The following SLC36A1 variants were observed in gnomAD, a reference collection of about 807,000 sequenced individuals.
SLC36A1 encodes proton-coupled amino acid transporter 1.
In SLC36A1, 30 loss-of-function variants were observed where a neutral mutation model predicts 47.5. The observed-to-expected ratio is 0.63, with a 90% confidence interval of 0.47 to 0.86. The LOEUF is 0.86. Among genes scored for constraint, SLC36A1 ranks in the 40% least tolerant of loss-of-function variants. The probability of loss-of-function intolerance (pLI) is 0.00; values close to 1 mark genes in which losing one functional copy is unlikely to be tolerated. For missense variants in SLC36A1, 517 were observed against 606.0 expected (o/e 0.85, Z 1.54); for synonymous variants, 255 against 249.7 (o/e 1.02, Z -0.20).
chr5:151,416,775 C>T, the SLC36A1 span, among the ~76,000 whole-genome samples: 34,300 of 152,014 alleles, frequency 0.23, 4,106 homozygotes, highest in African/African-American at 0.28. Flanking sequence ...TTTTGTGTCT[C>T]CACCCAAATC....
the SLC36A1 span, chr5:151,549,202 A>G: frequency 8.5e-7 from 1 of 1,172,970 alleles, no homozygotes; most frequent in Non-Finnish European, 1.2e-6. Flanking sequence ...TGAGCTTGGT[A>G]CTTGATTAAT....
At chr5:151,501,515 C>T in the SLC36A1 span, among the ~76,000 whole-genome samples, 1 of 147,734 alleles carries the variant, frequency 6.8e-6, no homozygotes, top group Non-Finnish European at 1.5e-5. Context: ...CTCCTGACCT[C>T]AGGTGATCTG....
At chr5:151,414,412 G>A in the SLC36A1 span, among the ~76,000 whole-genome samples, 1 of 152,186 alleles carries the variant, frequency 6.6e-6, no homozygotes. Flanking sequence ...GATCAGGCTG[G>A]AGGGCAGGTA....
At chr5:151,447,321 A>G (rs1752985946), upstream of SLC36A1, among the ~76,000 whole-genome samples, 1 of 152,256 alleles carries the variant, frequency 6.6e-6, no homozygotes, top group South Asian at 2.1e-4. Context: ...GATGTGTAAA[A>G]GAAAATACAG....
chr5:151,534,491 G>T, the SLC36A1 span: 2 of 1,614,082 alleles, frequency 1.2e-6, no homozygotes, highest in Non-Finnish European at 8.5e-7. Flanking sequence ...CACAGTGGCT[G>T]GGGAAGAACC....
At chr5:151,501,920 T>C in the SLC36A1 span, among the ~76,000 whole-genome samples, 1 of 148,364 alleles carries the variant, frequency 6.7e-6, no homozygotes, top group Non-Finnish European at 1.5e-5. Context: ...GATGATAACA[T>C]AGGAGAAAAC....
At chr5:151,515,307 A>T in the SLC36A1 span, among the ~76,000 whole-genome samples, 1 of 152,136 alleles carries the variant, frequency 6.6e-6, no homozygotes, top group Non-Finnish European at 1.5e-5. Flanking sequence ...AGACCTGCTA[A>T]TGTTGGAGGG....
chr5:151,493,038 C>G (rs116133664), downstream of SLC36A1, among the ~76,000 whole-genome samples: 4 of 152,064 alleles, frequency 2.6e-5, no homozygotes, highest in Admixed American at 6.5e-5. Context: ...ATATATATAT[C>G]TCCTACTGGC....
the SLC36A1 span, among the ~76,000 whole-genome samples, chr5:151,514,560 C>A: frequency 1.3e-5 from 2 of 152,258 alleles, no homozygotes; most frequent in East Asian, 3.8e-4. Context: ...ACGAGCCTCT[C>A]TTTAATTTCA....
upstream of SLC36A1, among the ~76,000 whole-genome samples, chr5:151,432,732 C>T (rs1434601486): frequency 6.6e-6 from 1 of 152,100 alleles, no homozygotes; most frequent in Non-Finnish European, 1.5e-5. Context: ...CCAGAGAGAC[C>T]AGCAGCATGA....
At position 151,458,882 on chromosome 5, in the gene SLC36A1, C is replaced by T; in HGVS notation, c.90C>T (p.Asn30=). ...AGGAGAGCCCGTCGGAAGGCCTCAA[C>T]AACCTCTCCTCCCCGGGCTCCTACC... The part of the protein sequence containing the change: ...SPEESPSEGL[N]NLSSPGSYQR... Residue 30 remains asparagine, a synonymous_variant, in exon 2 of 11, where the codon AAC becomes AAT. Coordinates refer to ENST00000243389, the MANE Select transcript of SLC36A1 (RefSeq NM_078483.4). 5.0e-6 allele frequency: 8 copies of T among 1,614,096 alleles called. No homozygotes were observed. The highest frequency in any genetic ancestry group is 3.3e-4 in the Middle Eastern group (2 of 6,062).
chr5:151,517,564 C>G, the SLC36A1 span: 1 of 1,607,036 alleles, frequency 6.2e-7, no homozygotes, highest in Non-Finnish European at 8.5e-7. Context: ...GCCTCACCCC[C>G]TACCTCCCCA....
At chr5:151,367,374 T>TTTTTTTTTTTTCC in the SLC36A1 span, among the ~76,000 whole-genome samples, 1,078 of 145,474 alleles carry the variant, frequency 7.4e-3, 13 homozygotes, top group African/African-American at 0.026. Flanking sequence ...TTTTTTTTTT[T>TTTTTTTTTTTTCC]CCCCAGGGTA....
At chr5:151,550,665 T>C in the SLC36A1 span, 2 of 1,614,218 alleles carry the variant, frequency 1.2e-6, no homozygotes, top group East Asian at 4.5e-5. Flanking sequence ...CACCACTGCT[T>C]GGGTCCAGCT....
chr5:151,433,428 C>T (rs1759572890), upstream of SLC36A1, among the ~76,000 whole-genome samples: 1 of 147,990 alleles, frequency 6.8e-6, no homozygotes. Context: ...GGATTACAGG[C>T]ACCCACCACC....
chr5:151,464,183 G>A (rs980994053), intron 3 of SLC36A1, among the ~76,000 whole-genome samples: 5 of 152,124 alleles, frequency 3.3e-5, no homozygotes, highest in Admixed American at 6.5e-5. Context: ...TAACTTACCC[G>A]TCTCACCTCA....
At chr5:151,393,807 C>G in the SLC36A1 span, among the ~76,000 whole-genome samples, 2 of 152,118 alleles carry the variant, frequency 1.3e-5, no homozygotes, top group Admixed American at 1.3e-4. Flanking sequence ...TGTGGGTAAC[C>G]CGACCTTTCT....
chr5:151,534,512 G>A, the SLC36A1 span: 12 of 1,614,018 alleles, frequency 7.4e-6, no homozygotes, highest in African/African-American at 9.3e-5. Context: ...GCGGGGCATT[G>A]TCATTCACAT....
the SLC36A1 span, chr5:151,504,360 A>C: frequency 2.3e-3 from 348 of 152,774 alleles, no homozygotes; most frequent in African/African-American, 8.0e-3. Context: ...GAGGTCACCA[A>C]AGGCCACAGA....
Sources: gnomAD v4.1 joint callset for allele counts (sites outside exome capture counted in the v4.1 genomes callset) on GRCh38, gnomAD v4.1.1 for gene constraint, MANE v1.5 for transcripts, NCBI Gene and HGNC (gene_info 2026-07-23, HGNC 2026-07-21) for gene names.